Variants in KIRREL3 observed in about 807,000 individuals in gnomAD.
KIRREL3 encodes kirre like nephrin family adhesion molecule 3, also known as kin of IRRE-like protein 3.
In KIRREL3, 36 loss-of-function variants were observed where a neutral mutation model predicts 89.7. That is an observed-to-expected ratio of 0.40 (90% CI 0.31 to 0.53). The LOEUF is 0.53. Among genes scored for constraint, KIRREL3 ranks in the 20% least tolerant of loss-of-function variants. The pLI is 0.49. For missense variants in KIRREL3, 864 were observed against 1,056.6 expected (o/e 0.82, Z 2.53); for synonymous variants, 445 against 441.4 (o/e 1.01, Z -0.10).
chr11:126,595,439 T>C (rs892533144), intron 1 of KIRREL3, among the ~76,000 whole-genome samples: 2 of 152,244 alleles, frequency 1.3e-5, no homozygotes, highest in Non-Finnish European at 2.9e-5. Context: ...AGCTGATGAC[T>C]CAGATCTTGG....
rs182872694 is a variant in KIRREL3, at chr11:126,922,173, A to C, written c.55+78282T>G. ...TATCTATCTATCTATCTATCTATCT[A>C]TCTCTATCATCTTTTGGTTCTGTTC... On this transcript the variant is annotated intron_variant, in intron 1 of 16. Transcript: ENST00000525144. 2.5e-3 allele frequency among the ~76,000 whole-genome samples: 342 copies of C among 136,956 alleles called. 2 individuals carry two copies. The highest frequency in any genetic ancestry group is 8.7e-3 in the African/African-American group (321 of 36,878). The allele number at this position is 136,956 out of a possible 152,430, so 89.8% of individuals were successfully genotyped here.
rs1191646735 is a variant in KIRREL3, at chr11:126,677,058, T to C, written c.56-114146A>G. Among the ~76,000 whole-genome samples, 2 of 152,172 alleles carry C rather than the reference T, an allele frequency of 1.3e-5. No homozygotes were observed. Among genetic ancestry groups the C allele is most frequent in the Non-Finnish European group, 2.9e-5 (2 of 68,032 alleles). On this transcript the variant is annotated intron_variant, in intron 1 of 16. Transcript: ENST00000525144. This position sits in a 1 kb window ranked among gnomAD's most constrained non-coding sequence, Gnocchi z 5.1. ...CCGCCTTGGCCTCTCAAAGATTTTT[T>C]TTTTTTAACAGCTGTATTGAGATAC... is the stretch of plus-strand genomic sequence containing the variant.
rs1031688459 is a variant in KIRREL3, at chr11:126,940,838, GC to G, written c.55+59616del. The G allele has an allele frequency of 2.7e-5, 4 of 150,796 alleles. No individual in the cohort carries two copies. The highest frequency in any genetic ancestry group is 9.8e-5 in the African/African-American group (4 of 40,878). 9.3% of individuals were successfully genotyped at this position (150,796 alleles called of 1,614,324 possible). ...TTTTTTCTTTTGGTGTAACAGTATC[GC>G]ATGAGCCAAGACTGTCATGAAACTA... is the stretch of plus-strand genomic sequence containing the variant. On this transcript the variant is annotated intron_variant, in intron 1 of 16. Coordinates refer to ENST00000525144, the MANE Select transcript of KIRREL3 (RefSeq NM_032531.4). This position sits in a 1 kb window ranked among gnomAD's most constrained non-coding sequence, Gnocchi z 4.6.
In KIRREL3 at chr11:126,605,083, G is replaced by A. The variant is rs781114936; in HGVS notation, c.56-42171C>T. ...AGACAATGCATCGAGCCTGGTGAGG[G>A]TGTGGCCTTTCTTGGCCCTGCCCTT... On this transcript the variant is annotated intron_variant, in intron 1 of 16. Transcript: ENST00000525144. The surrounding 1 kb of genome is among the most constrained non-coding windows in gnomAD (Gnocchi z 5.7). 1.3e-5 allele frequency among the ~76,000 whole-genome samples: 2 copies of A among 152,222 alleles called. No homozygotes were observed. Among genetic ancestry groups the A allele is most frequent in the Admixed American group, 1.3e-4 (2 of 15,288 alleles).
intron 1 of KIRREL3, among the ~76,000 whole-genome samples, chr11:126,711,674 T>C (rs1356594313): frequency 6.6e-6 from 1 of 152,248 alleles, no homozygotes. Flanking sequence ...TTCTGTCCAG[T>C]TCCCTAGAAA....
chr11:126,906,918 G>T lies in KIRREL3; in HGVS notation c.55+93537C>A, dbSNP rs1329352872. ...TTTCTGTGTAATTCCATTTGATAAAGAAAAAGCATTTAGAAAGGTTCATTG... is the reference window on the plus strand; with the variant it reads ...TTTCTGTGTAATTCCATTTGATAAATAAAAAGCATTTAGAAAGGTTCATTG... On this transcript the variant is annotated intron_variant, in intron 1 of 16. Coordinates refer to ENST00000525144, the MANE Select transcript of KIRREL3 (RefSeq NM_032531.4). The surrounding 1 kb of genome is among the most constrained non-coding windows in gnomAD (Gnocchi z 4.1). 6.6e-6 allele frequency among the ~76,000 whole-genome samples: 1 copy of T among 152,144 alleles called. No homozygotes were observed.
intron 2 of KIRREL3, among the ~76,000 whole-genome samples, chr11:126,542,421 T>A (rs183521101): frequency 2.0e-5 from 3 of 152,332 alleles, no homozygotes; most frequent in East Asian, 3.9e-4. Flanking sequence ...TCCAAAACAG[T>A]GAATAATCCT....
intron 1 of KIRREL3, among the ~76,000 whole-genome samples, chr11:126,673,356 G>A (rs928323866): frequency 6.6e-6 from 1 of 152,168 alleles, no homozygotes; most frequent in Admixed American, 6.5e-5. Flanking sequence ...TTGGGCTCAG[G>A]CAGGTGGCAC....
chr11:126,556,592 G>A (rs1207540248), intron 2 of KIRREL3, among the ~76,000 whole-genome samples: 1 of 152,120 alleles, frequency 6.6e-6, no homozygotes, highest in African/African-American at 2.4e-5. Flanking sequence ...GAGCCACGAT[G>A]GTACCACTGC....
chr11:126,630,054 G>T (rs543235867), intron 1 of KIRREL3, among the ~76,000 whole-genome samples: 1 of 152,312 alleles, frequency 6.6e-6, no homozygotes, highest in African/African-American at 2.4e-5. Context: ...GGTCAGAGGG[G>T]ATTATTCATG....
chr11:126,649,484 A>G (rs1944825254), intron 1 of KIRREL3, among the ~76,000 whole-genome samples: 1 of 152,242 alleles, frequency 6.6e-6, no homozygotes, highest in Admixed American at 6.5e-5. Flanking sequence ...GGGTAAATAC[A>G]GCCATTCCAA....
chr11:126,764,313 C>T lies in KIRREL3; in HGVS notation c.56-201401G>A, dbSNP rs951462411. Among the ~76,000 whole-genome samples the T allele has an allele frequency of 3.9e-5, 6 of 152,066 alleles. No homozygotes were observed. The highest frequency in any genetic ancestry group is 1.5e-4 in the African/African-American group (6 of 41,374). The stretch of plus-strand genomic sequence containing the variant: ...TGTCAGGCGCCCTGCCTCTTGCCAC[C>T]TCTTTCTTAGCTAGATACAGATGGA... On this transcript the variant is annotated intron_variant, in intron 1 of 16. Coordinates refer to ENST00000525144, the MANE Select transcript of KIRREL3 (RefSeq NM_032531.4). This position sits in a 1 kb window ranked among gnomAD's most constrained non-coding sequence, Gnocchi z 4.2.
Position 126,526,402 on chromosome 11 carries a change from TG to T in KIRREL3, c.283+135del, listed in dbSNP as rs1228100586. 2 of 856,140 alleles carry T rather than the reference TG, an allele frequency of 2.3e-6. No individual in the cohort carries two copies. Among genetic ancestry groups the T allele is most frequent in the African/African-American group, 3.4e-5 (2 of 59,012 alleles). 53.0% of individuals were successfully genotyped at this position (856,140 alleles called of 1,614,324 possible). The stretch of plus-strand genomic sequence containing the variant: ...GTGCAGTGCTTGCCTAGCCTGACTC[TG>T]CCTGAGGAGTTGCAGTGAAAGCTAG... On this transcript the variant is annotated intron_variant, in intron 3 of 16. Coordinates refer to ENST00000525144, the MANE Select transcript of KIRREL3 (RefSeq NM_032531.4). This position sits in a 1 kb window ranked among gnomAD's most constrained non-coding sequence, Gnocchi z 5.7.
chr11:126,824,217 G>C (rs1943328208), intron 1 of KIRREL3, among the ~76,000 whole-genome samples: 1 of 152,182 alleles, frequency 6.6e-6, no homozygotes, highest in Non-Finnish European at 1.5e-5. Flanking sequence ...CAGCAGGAGG[G>C]AGACAAACAA....
chr11:126,785,612 T>G (rs1950463191), intron 1 of KIRREL3, among the ~76,000 whole-genome samples: 1 of 152,134 alleles, frequency 6.6e-6, no homozygotes, highest in South Asian at 2.1e-4. Context: ...GTGCAGTGGC[T>G]CATGCCTGTA....
chr11:126,831,429 CTCTCTT>C (rs973278504), intron 1 of KIRREL3, among the ~76,000 whole-genome samples: 1 of 69,716 alleles, frequency 1.4e-5, no homozygotes, highest in Non-Finnish European at 2.7e-5. Flanking sequence ...CTCTATCTCT[CTCTCTT>C]TCTCTCTCTC....
At chr11:126,481,286 A>G (rs12804632) in intron 4 of KIRREL3, among the ~76,000 whole-genome samples, 31,097 of 151,786 alleles carry the variant, frequency 0.2, 3,391 homozygotes, top group Non-Finnish European at 0.25. Context: ...TTTTCTTCCC[A>G]CCCCTTAAAT....
rs1050310512 is a variant in KIRREL3, at chr11:126,610,492, C to G, written c.56-47580G>C. ...GGACATACTTAGGATGATAGACTAA[C>G]CTGGCCCAGCCTGCAACCTCATGGG... On this transcript the variant is annotated intron_variant, in intron 1 of 16. Coordinates refer to ENST00000525144, the MANE Select transcript of KIRREL3 (RefSeq NM_032531.4). This position sits in a 1 kb window ranked among gnomAD's most constrained non-coding sequence, Gnocchi z 4.6. Among the ~76,000 whole-genome samples the G allele has an allele frequency of 1.3e-5, 2 of 152,210 alleles. No individual in the cohort carries two copies. The highest frequency in any genetic ancestry group is 2.4e-5 in the African/African-American group (1 of 41,442).
At chr11:126,828,436 G>T (rs1419378700) in intron 1 of KIRREL3, among the ~76,000 whole-genome samples, 1 of 152,202 alleles carries the variant, frequency 6.6e-6, no homozygotes, top group Non-Finnish European at 1.5e-5. Context: ...GGAAGTCACT[G>T]AATAAGGGGA....
Sources: gnomAD v4.1 joint callset for allele counts (sites outside exome capture counted in the v4.1 genomes callset) on GRCh38, gnomAD v4.1.1 for gene constraint, Gnocchi (gnomAD v3.1) non-coding constraint, MANE v1.5 for transcripts, NCBI Gene and HGNC (gene_info 2026-07-23, HGNC 2026-07-21) for gene names.